SHANK2: variants seen among roughly 807,000 people sequenced by gnomAD.
SHANK2 encodes the protein SH3 and multiple ankyrin repeat domains protein 2.
In SHANK2, 43 loss-of-function variants were observed where a neutral mutation model predicts 133.7. The ratio of observed to expected loss-of-function variants is 0.32; its 90% confidence interval spans 0.25 to 0.41. SHANK2 has a LOEUF of 0.41. SHANK2 is among the 10% of genes least tolerant of loss of function. The pLI is 1.00. For synonymous variants in SHANK2, 1,017 were observed against 952.8 expected (o/e 1.07, Z -1.24); for missense variants, 1,994 against 2,235.8 (o/e 0.89, Z 2.18).
chr11:71,210,241 TATATATATA>T (rs1565516738), intron 2 of SHANK2, among the ~76,000 whole-genome samples: 40 of 108,070 alleles, frequency 3.7e-4, no homozygotes, highest in African/African-American at 1.5e-3. Context: ...TATATATATA[TATATATATA>T]TATTTATTTA....
intron 14 of SHANK2, among the ~76,000 whole-genome samples, chr11:70,760,041 G>A (rs1946959123): frequency 6.6e-6 from 1 of 152,234 alleles, no homozygotes; most frequent in South Asian, 2.1e-4. Flanking sequence ...TACAGAGGCT[G>A]CTCACTGAGC....
At chr11:71,095,053 C>A (rs907419333) in intron 6 of SHANK2, among the ~76,000 whole-genome samples, 1 of 152,224 alleles carries the variant, frequency 6.6e-6, no homozygotes, top group Non-Finnish European at 1.5e-5. Context: ...CGGACTAAAG[C>A]CCTCATTAGA....
At chr11:70,474,098 C>T (rs1258519407) in intron 25 of SHANK2, 9 of 172,214 alleles carry the variant, frequency 5.2e-5, no homozygotes, top group Non-Finnish European at 1.0e-4. Context: ...GAAACCCAGA[C>T]AGCAGGGCGT....
At chr11:71,092,401 T>C (rs1555094223) in intron 8 of SHANK2, 21 bp downstream of exon 8, 2 of 1,549,770 alleles carry the variant, frequency 1.3e-6, no homozygotes, top group Non-Finnish European at 1.7e-6. Flanking sequence ...TACAACAGAG[T>C]GGAGAAGCGG....
intron 9 of SHANK2, among the ~76,000 whole-genome samples, chr11:71,065,301 G>A (rs1951034915): frequency 1.3e-5 from 2 of 149,228 alleles, no homozygotes; most frequent in South Asian, 2.2e-4. Flanking sequence ...TTGGTGGGAG[G>A]TGTGTGCAGA....
At chr11:70,661,792 C>G (rs782574248) in intron 15 of SHANK2, 114 bp from the exon 16 acceptor site, 1 of 1,613,166 alleles carries the variant, frequency 6.2e-7, no homozygotes, top group Non-Finnish European at 8.5e-7. Flanking sequence ...CCCAGCTCGC[C>G]AGATCCAGGC....
At chr11:70,544,082 T>A (rs1554975738) in intron 17 of SHANK2, among the ~76,000 whole-genome samples, 1 of 152,182 alleles carries the variant, frequency 6.6e-6, no homozygotes, top group Non-Finnish European at 1.5e-5. Context: ...CACGTTCCCA[T>A]TTCTTAAGGC....
rs1397470207 is a variant in SHANK2 at position 70,599,901 on chromosome 11, GAAAGAGAAAGAAAGAA to G, written c.2061+59911_2061+59926del. ...AAAGAAAGAAAGAAAAAGAAAGAAA[GAAAGAGAAAGAAAGAA>G]AGAAAGAAAGAAAGAAAGAAAGAAA... On this transcript the variant is annotated intron_variant, in intron 17 of 25. Transcript: ENST00000601538. Among the ~76,000 whole-genome samples the G allele has an allele frequency of 2.3e-3, 188 of 80,134 alleles. 5 individuals carry two copies. The highest frequency in any genetic ancestry group is 8.4e-3 in the African/African-American group (164 of 19,618). 52.6% of individuals were successfully genotyped at this position (80,134 alleles called of 152,430 possible).
At chr11:71,138,163 C>T (rs61887387) in intron 3 of SHANK2, among the ~76,000 whole-genome samples, 2 of 54,906 alleles carry the variant, frequency 3.6e-5, no homozygotes, top group Non-Finnish European at 5.1e-5. Context: ...TCACAATGGG[C>T]GGGCGCACTC....
At chr11:70,539,435 G>A (rs2059585685) in intron 17 of SHANK2, among the ~76,000 whole-genome samples, 1 of 133,032 alleles carries the variant, frequency 7.5e-6, no homozygotes, top group Admixed American at 7.9e-5. Flanking sequence ...GATCTGCGGG[G>A]GAAAGGTGCT....
At chr11:70,952,811 G>A in intron 10 of SHANK2, 1 of 423,048 alleles carries the variant, frequency 2.4e-6, no homozygotes, top group Non-Finnish European at 4.9e-6. Context: ...TCTGGTAGCT[G>A]CTTTCTGTGG....
intron 11 of SHANK2, among the ~76,000 whole-genome samples, chr11:70,885,230 G>A (rs1949720797): frequency 6.7e-6 from 1 of 149,974 alleles, no homozygotes; most frequent in Admixed American, 6.7e-5. Flanking sequence ...TGAGGGTCAG[G>A]CTAGGGCACA....
At chr11:70,680,199 T>C (rs1216920229) in intron 15 of SHANK2, among the ~76,000 whole-genome samples, 2 of 152,202 alleles carry the variant, frequency 1.3e-5, no homozygotes, top group Non-Finnish European at 2.9e-5. Flanking sequence ...AAACAGCCTC[T>C]GTCAGAGCGG....
intron 10 of SHANK2, among the ~76,000 whole-genome samples, chr11:70,934,709 T>C (rs1950548115): frequency 6.6e-6 from 1 of 152,172 alleles, no homozygotes; most frequent in Non-Finnish European, 1.5e-5. Flanking sequence ...CAAATACTAT[T>C]GATTATGATA....
At chr11:70,609,092 G>A (rs2060619399) in intron 17 of SHANK2, among the ~76,000 whole-genome samples, 1 of 152,200 alleles carries the variant, frequency 6.6e-6, no homozygotes, top group African/African-American at 2.4e-5. Flanking sequence ...GCAGCAAGTG[G>A]TCGCGTTGTT....
At chr11:70,935,101 A>G (rs938677686) in intron 10 of SHANK2, among the ~76,000 whole-genome samples, 3 of 152,194 alleles carry the variant, frequency 2.0e-5, no homozygotes, top group Non-Finnish European at 4.4e-5. Context: ...AAAAAATTCC[A>G]GAAATAAACA....
intron 17 of SHANK2, among the ~76,000 whole-genome samples, chr11:70,576,409 C>T (rs911994681): frequency 3.9e-5 from 6 of 152,104 alleles, no homozygotes; most frequent in African/African-American, 7.2e-5. Flanking sequence ...CCGAGGCGGG[C>T]AGATCACGAG....
chr11:70,595,353 G>A (rs1554989236), intron 17 of SHANK2, among the ~76,000 whole-genome samples: 4 of 152,218 alleles, frequency 2.6e-5, no homozygotes, highest in South Asian at 2.1e-4. Flanking sequence ...TTAAAAATAC[G>A]CAGCACCATC....
intron 9 of SHANK2, among the ~76,000 whole-genome samples, chr11:71,060,781 G>T (rs1339988268): frequency 6.6e-6 from 1 of 152,210 alleles, no homozygotes; most frequent in Non-Finnish European, 1.5e-5. Flanking sequence ...GCTGCTAGAA[G>T]CCCATGGTGT....
Sources: gnomAD v4.1 joint callset for allele counts (sites outside exome capture counted in the v4.1 genomes callset) on GRCh38, gnomAD v4.1.1 for gene constraint, MANE v1.5 for transcripts, NCBI Gene and HGNC (gene_info 2026-07-23, HGNC 2026-07-21) for gene names.